The following RADIL variants were observed in gnomAD, a reference collection of about 807,000 sequenced individuals.
The protein encoded by RADIL is ras-associating and dilute domain-containing protein.
RADIL carries 99 observed loss-of-function variants against 97.6 expected under a neutral mutation model. The observed-to-expected ratio is 1.01, with a 90% CI of 0.86 to 1.20. The LOEUF is 1.20. Ranked by LOEUF, RADIL falls within the 50% of genes most tolerant of loss-of-function variation. The pLI, the probability that RADIL is intolerant of heterozygous loss-of-function variation, is 0.00. For synonymous variants in RADIL, 803 were observed against 691.8 expected (o/e 1.16, Z -2.52); for missense variants, 1,765 against 1,498.9 (o/e 1.18, Z -2.93).
intron 5 of RADIL, 126 bp downstream of exon 5, chr7:4,832,015 G>A (rs1562441632): frequency 2.0e-6 from 2 of 984,122 alleles, no homozygotes; most frequent in Non-Finnish European, 3.0e-6. Flanking sequence ...CTGCTTGGAT[G>A]GAAGGACAAA....
At chr7:4,844,934 A>T (rs1269201332) in intron 2 of RADIL, among the ~76,000 whole-genome samples, 3 of 152,004 alleles carry the variant, frequency 2.0e-5, no homozygotes, top group African/African-American at 7.2e-5. Flanking sequence ...GAAGCAAATC[A>T]TGTTGGATTC....
At chr7:4,836,696 G>A (rs1283819194) in intron 2 of RADIL, 91 bp from the exon 3 acceptor site, 1 of 1,533,838 alleles carries the variant, frequency 6.5e-7, no homozygotes, top group Non-Finnish European at 8.8e-7. Context: ...CCAGCACTTT[G>A]GGAGGCCGAG....
intron 10 of RADIL, among the ~76,000 whole-genome samples, chr7:4,804,827 G>A (rs1484719174): frequency 2.6e-5 from 4 of 151,848 alleles, no homozygotes; most frequent in African/African-American, 9.7e-5. Flanking sequence ...CAGGCACGGT[G>A]GCTCATGTCT....
intron 6 of RADIL, among the ~76,000 whole-genome samples, chr7:4,820,331 C>T (rs994800308): frequency 4.6e-5 from 7 of 152,196 alleles, no homozygotes; most frequent in African/African-American, 1.7e-4. Flanking sequence ...CCAGGGGAGG[C>T]CTGTAGCTGG....
chr7:4,825,349 A>C (rs1562438573), intron 5 of RADIL, among the ~76,000 whole-genome samples: 1 of 152,078 alleles, frequency 6.6e-6, no homozygotes, highest in Non-Finnish European at 1.5e-5. Context: ...CGATGGAAAC[A>C]CTCGCAGGGC....
intron 2 of RADIL, among the ~76,000 whole-genome samples, chr7:4,839,602 A>G (rs1001476000): frequency 2.0e-5 from 3 of 152,168 alleles, no homozygotes; most frequent in African/African-American, 4.8e-5. Flanking sequence ...TGATAAATAT[A>G]TTATCATAAC....
chr7:4,868,099 G>T (rs189783235), intron 2 of RADIL, among the ~76,000 whole-genome samples: 273 of 152,124 alleles, frequency 1.8e-3, no homozygotes, highest in Non-Finnish European at 3.1e-3. Context: ...GTCTCACTGT[G>T]TCGCCCAGGC....
Position 4,880,035 on chromosome 7 carries a change from G to A in RADIL, c.-64-1832C>T, listed in dbSNP as rs369348492. 8.5e-5 allele frequency among the ~76,000 whole-genome samples: 13 copies of A among 152,184 alleles called. No homozygotes were observed. The highest frequency in any genetic ancestry group is 2.4e-4 in the African/African-American group (10 of 41,462). On this transcript the variant is annotated intron_variant, in intron 1 of 14. Coordinates refer to ENST00000399583, the MANE Select transcript of RADIL (RefSeq NM_018059.5). The surrounding 1 kb of genome is among the most constrained non-coding windows in gnomAD (Gnocchi z 4.5). Reference sequence around the variant, plus strand: ...CCAACGCGGACGTCTGCCCTGCGGGGTGGGTGGCTGGCCCTTCTCCTGTTC... The same window carrying A: ...CCAACGCGGACGTCTGCCCTGCGGGATGGGTGGCTGGCCCTTCTCCTGTTC...
chr7:4,848,457 C>T (rs1343240715), intron 2 of RADIL, among the ~76,000 whole-genome samples: 1 of 151,518 alleles, frequency 6.6e-6, no homozygotes, highest in Non-Finnish European at 1.5e-5. Context: ...GATAAGATAT[C>T]GAATATATCT....
At chr7:4,848,007 G>A (rs978517427) in intron 2 of RADIL, among the ~76,000 whole-genome samples, 1 of 152,062 alleles carries the variant, frequency 6.6e-6, no homozygotes, top group Non-Finnish European at 1.5e-5. Context: ...ACCAGCCTGG[G>A]TGACATGGTG....
In RADIL at chr7:4,842,431, C is replaced by T. The variant is rs921727032; in HGVS notation, c.536-5826G>A. On this transcript the variant is annotated intron_variant, in intron 2 of 14. Transcript: ENST00000399583. This position sits in a 1 kb window ranked among gnomAD's most constrained non-coding sequence, Gnocchi z 4.5. ...GAGACAGCATGCAGCCACAGCCACA[C>T]GGCTTTGTCTAGGCCACCCCCCTCC... Among the ~76,000 whole-genome samples the T allele has an allele frequency of 3.9e-5, 6 of 152,178 alleles. No individual in the cohort carries two copies. The highest frequency in any genetic ancestry group is 1.4e-4 in the African/African-American group (6 of 41,440).
rs757092904 is a variant in RADIL at position 4,860,766 on chromosome 7, T to C, written c.535+16839A>G. ...GCCTTACTTAGCAAAATCTCGTGTGTGATAGCAAGCCCCTGTTTAAACTCC... is the reference window on the plus strand; with the variant it reads ...GCCTTACTTAGCAAAATCTCGTGTGCGATAGCAAGCCCCTGTTTAAACTCC... On this transcript the variant is annotated intron_variant, in intron 2 of 14. Coordinates refer to ENST00000399583, the MANE Select transcript of RADIL (RefSeq NM_018059.5). The C allele has an allele frequency of 1.9e-6, 3 of 1,614,066 alleles. No homozygotes were observed. The highest frequency in any genetic ancestry group is 1.7e-6 in the Non-Finnish European group (2 of 1,180,042).
intron 2 of RADIL, chr7:4,861,835 C>T: frequency 3.0e-6 from 4 of 1,320,728 alleles, no homozygotes; most frequent in Middle Eastern, 2.8e-4. Flanking sequence ...CCCGCCAGGG[C>T]ACGTCCCCCA....
rs1162419291 is a variant in RADIL, at chr7:4,814,465, C to T, written c.2139+813G>A. ...TGTCACCATCACAGTACAGCATGTT[C>T]AGCGTTTTCCAGGCAGGAGAGGAAA... is the stretch of plus-strand genomic sequence containing the variant. On this transcript the variant is annotated intron_variant, in intron 9 of 14. Transcript: ENST00000399583. This position sits in a 1 kb window ranked among gnomAD's most constrained non-coding sequence, Gnocchi z 4.5. 6.6e-6 allele frequency among the ~76,000 whole-genome samples: 1 copy of T among 151,922 alleles called. No homozygotes were observed. The highest frequency in any genetic ancestry group is 1.9e-4 in the East Asian group (1 of 5,170).
Position 4,834,295 on chromosome 7 carries a change from G to C in RADIL, c.1416+312C>G, listed in dbSNP as rs1439581364. On this transcript the variant is annotated intron_variant, in intron 4 of 14. Transcript: ENST00000399583. The surrounding 1 kb of genome is among the most constrained non-coding windows in gnomAD (Gnocchi z 6.0). ...CTCAGGGGCAGCTCACTCCTGGCAC[G>C]TGACAGTGCTGGGCCCAGCTGGACC... Among the ~76,000 whole-genome samples the C allele has an allele frequency of 6.6e-6, 1 of 152,116 alleles. No homozygotes were observed. The highest frequency in any genetic ancestry group is 1.5e-5 in the Non-Finnish European group (1 of 68,018).
chr7:4,801,462 C>T (rs73310599), intron 12 of RADIL, among the ~76,000 whole-genome samples, 191 bp downstream of exon 12: 2,304 of 152,300 alleles, frequency 0.015, 54 homozygotes, highest in African/African-American at 0.052. Flanking sequence ...ACTGAGCGAC[C>T]GTGTGGCCCA....
At chr7:4,865,481 T>A (rs1784110895) in intron 2 of RADIL, 4 of 775,726 alleles carry the variant, frequency 5.2e-6, no homozygotes, top group Middle Eastern at 7.1e-4. Context: ...GGAAGTAATG[T>A]AATTCGTAAC....
At chr7:4,804,186 C>A (rs1355274761) in intron 10 of RADIL, 11 of 268,712 alleles carry the variant, frequency 4.1e-5, no homozygotes, top group Middle Eastern at 1.4e-3. Context: ...GGCCTGTGTG[C>A]GGGCTGCTCT....
intron 9 of RADIL, chr7:4,809,304 G>C (rs890898385): frequency 1.0e-6 from 1 of 985,354 alleles, no homozygotes; most frequent in Non-Finnish European, 1.2e-6. Flanking sequence ...TCCTGCCCTC[G>C]GCTCGGCCTA....
Sources: allele counts gnomAD v4.1 joint callset (sites outside exome capture counted in the v4.1 genomes callset), GRCh38; gene constraint gnomAD v4.1.1; non-coding constraint Gnocchi (gnomAD v3.1); transcripts MANE v1.5; gene names NCBI Gene and HGNC (gene_info 2026-07-23, HGNC 2026-07-21).